The following GDNF variants were observed in gnomAD, a reference collection of about 807,000 sequenced individuals.
GDNF encodes the protein glial cell derived neurotrophic factor.
Under a neutral mutation model 13.7 loss-of-function variants are expected in GDNF, and 5 were observed. The ratio of observed to expected loss-of-function variants is 0.36; its 90% confidence interval spans 0.19 to 0.77. GDNF has a LOEUF of 0.77. Ranked by LOEUF, GDNF falls within the 30% of genes least tolerant of loss-of-function variation. The pLI is 0.51. For synonymous variants in GDNF, 122 were observed against 112.5 expected, an observed-to-expected ratio of 1.08 and a Z score of -0.53; for missense variants, 246 against 274.3, an observed-to-expected ratio of 0.90 and a Z score of 0.73.
At position 37,839,150 on chromosome 5, in the gene GDNF, TC is replaced by T. The variant is rs1195616700; in HGVS notation, c.-27+356del. On this transcript the variant is annotated intron_variant, in intron 1 of 2. Coordinates refer to ENST00000326524, the MANE Select transcript of GDNF (RefSeq NM_000514.4). This position sits in a 1 kb window ranked among gnomAD's most constrained non-coding sequence, Gnocchi z 5.5. ...AGGACACATTTCGACGGCGGTGGGT[TC>T]GAAGATGACCCAAGCCCTGAATCGT... 6.6e-6 allele frequency among the ~76,000 whole-genome samples: 1 copy of T among 152,142 alleles called. No individual in the cohort carries two copies. The highest frequency in any genetic ancestry group is 2.4e-5 in the African/African-American group (1 of 41,444).
Position 37,815,786 on chromosome 5 carries a change from T to A in GDNF, c.501A>T (p.Arg167Ser). 6.2e-7 allele frequency: 1 copy of A among 1,614,136 alleles called. No individual in the cohort carries two copies. Residue 167 changes from arginine to serine, a missense_variant, in exon 3 of 3, where the codon AGA (arginine) becomes AGT (serine). Arg to Ser is a moderately radical substitution (Grantham distance 110, BLOSUM62 -1). Coordinates refer to ENST00000326524, the MANE Select transcript of GDNF (RefSeq NM_000514.4). The surrounding 1 kb of genome is among the most constrained non-coding windows in gnomAD (Gnocchi z 5.0). The part of the protein sequence containing the change: ...DKILKNLSRN[R>S]RLVSDKVGQA... ...GCCCTACTTTGTCACTCACCAGCCTTCTATTTCTGGATAAGTTTTTCAATA... is the reference window on the plus strand; with the variant it reads ...GCCCTACTTTGTCACTCACCAGCCTACTATTTCTGGATAAGTTTTTCAATA...
chr5:37,829,411 C>A (rs1467725134), intron 2 of GDNF, among the ~76,000 whole-genome samples: 2 of 152,204 alleles, frequency 1.3e-5, no homozygotes, highest in African/African-American at 4.8e-5. Context: ...CTAAACCCTA[C>A]ACAATAGACA....
rs771970145 is a variant in GDNF at position 37,816,009 on chromosome 5, C to T, written c.278G>A (p.Arg93Gln). The change falls in exon 3 of 3, where the codon CGG becomes CAG. Residue 93 changes from arginine to glutamine, a missense_variant. Transcript: ENST00000326524. ...MAVLPRRERNRQAAAANPENS... is the reference protein window; with the variant it reads ...MAVLPRRERNQQAAAANPENS... ...CTCTGGGTTGGCAGCTGCAGCCTGC[C>T]GATTCCGCTCTCTTCTAGGAAGCAC... is the stretch of plus-strand genomic sequence containing the variant. 128 of 1,613,686 alleles carry T rather than the reference C, an allele frequency of 7.9e-5. No homozygotes were observed. The highest frequency in any genetic ancestry group is 6.5e-4 in the East Asian group (29 of 44,884).
rs1257134215 is a variant in GDNF, at chr5:37,839,636, G to T, written c.-156C>A. The T allele has an allele frequency of 6.6e-6, 1 of 152,256 alleles. No individual in the cohort carries two copies. Among genetic ancestry groups the T allele is most frequent in the Non-Finnish European group, 1.5e-5 (1 of 68,082 alleles). 9.4% of individuals were successfully genotyped at this position (152,256 alleles called of 1,614,324 possible). ...CCCAACAGGTCAGGGGCAAGAGTTCGCAATCCTGGGGTCGCGCGGGGCAGC... is the reference window on the plus strand; with the variant it reads ...CCCAACAGGTCAGGGGCAAGAGTTCTCAATCCTGGGGTCGCGCGGGGCAGC... On this transcript the variant is annotated 5_prime_UTR_variant, in exon 1 of 3. Transcript: ENST00000326524. The surrounding 1 kb of genome is among the most constrained non-coding windows in gnomAD (Gnocchi z 5.5).
At chr5:37,834,985 C>T (rs1434910098) in intron 1 of GDNF, 163 bp from the exon 2 acceptor site, 2 of 632,836 alleles carry the variant, frequency 3.2e-6, no homozygotes, top group East Asian at 5.7e-5. Flanking sequence ...TGCAAGTCCC[C>T]AGTTCGCTTC....
At chr5:37,832,698 T>C (rs531280491) in intron 2 of GDNF, among the ~76,000 whole-genome samples, 66 of 152,346 alleles carry the variant, frequency 4.3e-4, no homozygotes, top group African/African-American at 1.5e-3. Flanking sequence ...TGTGACTACT[T>C]GTACCTTATA....
intron 2 of GDNF, among the ~76,000 whole-genome samples, chr5:37,833,625 T>C (rs983893396): frequency 6.6e-6 from 1 of 152,206 alleles, no homozygotes; most frequent in Admixed American, 6.5e-5. Context: ...ACTGTGGTTA[T>C]GACCATAGTA....
intron 1 of GDNF, chr5:37,835,800 C>T: frequency 1.4e-6 from 1 of 733,312 alleles, no homozygotes; most frequent in Non-Finnish European, 2.4e-6. Context: ...CACGCCTGGA[C>T]GACTGTACCC....
intron 2 of GDNF, among the ~76,000 whole-genome samples, chr5:37,826,862 C>G (rs1277993371): frequency 6.6e-6 from 1 of 152,202 alleles, no homozygotes; most frequent in Non-Finnish European, 1.5e-5. Context: ...TCTCACCTAT[C>G]TAGCCATTCT....
chr5:37,815,609 C>T lies in GDNF; in HGVS notation c.*42G>A, dbSNP rs764521758. ...GGGAACCTTGGTCCCTTTCTTTGCA[C>T]TGTAGCAGGAATGCAATACACAGCA... On this transcript the variant is annotated 3_prime_UTR_variant, in exon 3 of 3. Coordinates refer to ENST00000326524, the MANE Select transcript of GDNF (RefSeq NM_000514.4). This position sits in a 1 kb window ranked among gnomAD's most constrained non-coding sequence, Gnocchi z 5.0. 1 of 1,594,738 alleles carries T rather than the reference C, an allele frequency of 6.3e-7. No homozygotes were observed. The highest frequency in any genetic ancestry group is 1.1e-5 in the South Asian group (1 of 90,750).
intron 1 of GDNF, chr5:37,835,512 T>C: frequency 6.7e-7 from 1 of 1,496,436 alleles, no homozygotes; most frequent in Non-Finnish European, 9.0e-7. Flanking sequence ...TTTAAGTTAC[T>C]TAACTTCCCA....
At chr5:37,824,202 G>A (rs1750230366) in intron 2 of GDNF, 1 of 191,802 alleles carries the variant, frequency 5.2e-6, no homozygotes, top group African/African-American at 2.4e-5. Flanking sequence ...TAAAAATAGA[G>A]ATGGGCCCCA....
intron 1 of GDNF, chr5:37,835,789 T>G: frequency 1.3e-6 from 1 of 780,234 alleles, no homozygotes; most frequent in Non-Finnish European, 2.2e-6. Flanking sequence ...CGCGCCCCCG[T>G]CACGCCTGGA....
chr5:37,826,659 C>T (rs768171861), intron 2 of GDNF, among the ~76,000 whole-genome samples: 1 of 152,212 alleles, frequency 6.6e-6, no homozygotes, highest in Non-Finnish European at 1.5e-5. Flanking sequence ...AGGCACCTGG[C>T]CCTCTGGGGG....
chr5:37,839,361 C>T lies in GDNF; in HGVS notation c.-27+146G>A, dbSNP rs1020083764. 3.3e-5 allele frequency: 5 copies of T among 152,282 alleles called. No individual in the cohort carries two copies. Among genetic ancestry groups the T allele is most frequent in the African/African-American group, 1.2e-4 (5 of 41,456 alleles). The allele number at this position is 152,282 out of a possible 1,614,324, so 9.4% of individuals were successfully genotyped here. ...TCTCTCTCCTCGCATAGCTTAGGTT[C>T]CCTCTAGTCTTTCCACTTTCTACTC... On this transcript the variant is annotated intron_variant, in intron 1 of 2. Transcript: ENST00000326524. This position sits in a 1 kb window ranked among gnomAD's most constrained non-coding sequence, Gnocchi z 5.5.
intron 2 of GDNF, among the ~76,000 whole-genome samples, chr5:37,833,281 A>G (rs1750583362): frequency 6.6e-6 from 1 of 152,222 alleles, no homozygotes; most frequent in African/African-American, 2.4e-5. Context: ...ACTAAGGGGC[A>G]TTTTAAAGTT....
intron 2 of GDNF, among the ~76,000 whole-genome samples, chr5:37,831,403 C>A (rs1444317376): frequency 6.6e-6 from 1 of 152,208 alleles, no homozygotes; most frequent in African/African-American, 2.4e-5. Context: ...TGTATATGTG[C>A]ATTTAGATGC....
Position 37,838,880 on chromosome 5 carries a change from G to T in GDNF, c.-27+627C>A, listed in dbSNP as rs1420849027. ...ATTTGAATCCAGGACTGGCAAGAAA[G>T]CCCCTCTCCTAACCTCGACGGGGAT... On this transcript the variant is annotated intron_variant, in intron 1 of 2. Transcript: ENST00000326524. This position sits in a 1 kb window ranked among gnomAD's most constrained non-coding sequence, Gnocchi z 4.1. Among the ~76,000 whole-genome samples the T allele has an allele frequency of 6.6e-6, 1 of 152,176 alleles. No homozygotes were observed. Among genetic ancestry groups the T allele is most frequent in the Non-Finnish European group, 1.5e-5 (1 of 68,034 alleles).
chr5:37,837,313 A>T lies in GDNF; in HGVS notation c.-27+2194T>A, dbSNP rs1750741767. 6.6e-6 allele frequency among the ~76,000 whole-genome samples: 1 copy of T among 152,190 alleles called. No homozygotes were observed. Among genetic ancestry groups the T allele is most frequent in the Non-Finnish European group, 1.5e-5 (1 of 68,022 alleles). On this transcript the variant is annotated intron_variant, in intron 1 of 2. Transcript: ENST00000326524. The surrounding 1 kb of genome is among the most constrained non-coding windows in gnomAD (Gnocchi z 6.5). ...GCTTTACGCGCCGCCACGTGCGAGA[A>T]CCAAGCTCTGCTCCTCAAGTGACGG...
Sources: gnomAD v4.1 joint callset for allele counts (sites outside exome capture counted in the v4.1 genomes callset) on GRCh38, gnomAD v4.1.1 for gene constraint, Gnocchi (gnomAD v3.1) non-coding constraint, MANE v1.5 for transcripts, NCBI Gene and HGNC (gene_info 2026-07-23, HGNC 2026-07-21) for gene names.